ALKBH8: variants seen among roughly 807,000 people sequenced by gnomAD.
The protein encoded by ALKBH8 is tRNA (carboxymethyluridine(34)-5-O)-methyltransferase ALKBH8.
In ALKBH8, 36 loss-of-function variants were observed where a neutral mutation model predicts 59.8. That is an observed-to-expected ratio of 0.60 (90% confidence interval 0.46 to 0.79). The LOEUF (loss-of-function observed/expected upper bound fraction) is 0.79. Ranked by LOEUF, ALKBH8 falls within the 30% of genes least tolerant of loss-of-function variation. The pLI is 0.00. For synonymous variants in ALKBH8, 276 were observed against 273.6 expected, an observed-to-expected ratio of 1.01 and a Z score of -0.09; for missense variants, 768 against 801.0, an observed-to-expected ratio of 0.96 and a Z score of 0.50.
intron 8 of ALKBH8, among the ~76,000 whole-genome samples, chr11:107,529,866 T>TA (rs926101160): frequency 3.3e-5 from 5 of 152,080 alleles, no homozygotes; most frequent in African/African-American, 9.7e-5. Flanking sequence ...AACTCTAAGA[T>TA]AAAAACAATA....
chr11:107,539,368 G>A (rs1863945104), intron 7 of ALKBH8, among the ~76,000 whole-genome samples: 1 of 152,182 alleles, frequency 6.6e-6, no homozygotes, highest in Non-Finnish European at 1.5e-5. Flanking sequence ...GGGAGGCCAA[G>A]GTGGGCAGAT....
intron 10 of ALKBH8, among the ~76,000 whole-genome samples, chr11:107,512,340 G>T (rs1862669765): frequency 6.6e-6 from 1 of 151,794 alleles, no homozygotes; most frequent in Non-Finnish European, 1.5e-5. Context: ...TTGAGACAGG[G>T]TCTCACTCTA....
chr11:107,526,431 C>CTGTCCAA (rs1271941048), intron 8 of ALKBH8, among the ~76,000 whole-genome samples: 2 of 151,920 alleles, frequency 1.3e-5, no homozygotes, highest in Non-Finnish European at 2.9e-5. Context: ...GATAAAGGAT[C>CTGTCCAA]TGTCCAACCC....
At chr11:107,558,983 C>A (rs997828868) in intron 2 of ALKBH8, among the ~76,000 whole-genome samples, 1 of 152,174 alleles carries the variant, frequency 6.6e-6, no homozygotes, top group South Asian at 2.1e-4. Context: ...CCATAATTCC[C>A]ACATTTTGTG....
chr11:107,560,230 C>T (rs969242530), intron 2 of ALKBH8, among the ~76,000 whole-genome samples: 4 of 151,764 alleles, frequency 2.6e-5, no homozygotes, highest in Admixed American at 6.6e-5. Context: ...AATTATTGTC[C>T]GCAGATAATG....
At chr11:107,523,474 G>A (rs994741324) in intron 9 of ALKBH8, among the ~76,000 whole-genome samples, 2 of 152,044 alleles carry the variant, frequency 1.3e-5, no homozygotes, top group African/African-American at 2.4e-5. Context: ...GTGGGAGCCG[G>A]GGAGATGCTA....
chr11:107,523,579 G>A (rs1314908827), intron 9 of ALKBH8, among the ~76,000 whole-genome samples: 1 of 148,706 alleles, frequency 6.7e-6, no homozygotes, highest in Non-Finnish European at 1.5e-5. Flanking sequence ...TTGTATTCTT[G>A]AAAATCACTA....
chr11:107,526,689 TA>T (rs1447876852), intron 8 of ALKBH8, among the ~76,000 whole-genome samples: 1 of 152,036 alleles, frequency 6.6e-6, no homozygotes, highest in Non-Finnish European at 1.5e-5. Flanking sequence ...AAGTTTCTTT[TA>T]GACCATTTTA....
intron 2 of ALKBH8, among the ~76,000 whole-genome samples, chr11:107,558,267 T>C (rs1249047311): frequency 6.6e-6 from 1 of 152,174 alleles, no homozygotes; most frequent in African/African-American, 2.4e-5. Context: ...ATAAGGAAAG[T>C]AAAACTGTTT....
chr11:107,532,312 AG>A lies in ALKBH8; in HGVS notation c.865del (p.Leu289PhefsTer32). On this transcript the variant is annotated frameshift_variant, in exon 8 of 12. Coordinates refer to ENST00000428149, the MANE Select transcript of ALKBH8 (RefSeq NM_138775.3). LOFTEE classifies it high-confidence loss of function. ...TTTCAATACATACCCATGGGTCCAA[AG>A]GTATCTAGATTCTCCTGTCATCACC... ...LLVMTGESRY[L>X]WTHGITCRKF... 3 of 1,612,180 alleles carry A rather than the reference AG, an allele frequency of 1.9e-6. No homozygotes were observed. Among genetic ancestry groups the A allele is most frequent in the Non-Finnish European group, 2.5e-6 (3 of 1,178,456 alleles).
At position 107,520,644 on chromosome 11, in the gene ALKBH8, A is replaced by C. The variant is rs939024157; in HGVS notation, c.1287+1655T>G. Reference sequence around the variant, plus strand: ...GTTTGTTGTGATTTTAAGTGACACAATCAAAGATCTATTTCCTCTTCAACA... The same window carrying C: ...GTTTGTTGTGATTTTAAGTGACACACTCAAAGATCTATTTCCTCTTCAACA... On this transcript the variant is annotated intron_variant, in intron 10 of 11. Transcript: ENST00000428149. 2.6e-5 allele frequency among the ~76,000 whole-genome samples: 4 copies of C among 152,344 alleles called. No individual in the cohort carries two copies. The South Asian group carries it at 8.3e-4, about 32-fold the overall frequency.
chr11:107,538,457 A>G (rs1445713861), intron 7 of ALKBH8, among the ~76,000 whole-genome samples: 2 of 152,194 alleles, frequency 1.3e-5, no homozygotes, highest in Non-Finnish European at 2.9e-5. Context: ...GTTATGTGAA[A>G]ATTTTGCTCC....
At chr11:107,526,838 C>G (rs1317494210) in intron 8 of ALKBH8, among the ~76,000 whole-genome samples, 1 of 151,772 alleles carries the variant, frequency 6.6e-6, no homozygotes, top group Non-Finnish European at 1.5e-5. Flanking sequence ...ATTTCCTTTC[C>G]ACATTTAATT....
chr11:107,558,221 GA>G lies in ALKBH8; in HGVS notation c.130-1219del, dbSNP rs1022175839. Among the ~76,000 whole-genome samples, 37 of 152,228 alleles carry G rather than the reference GA, an allele frequency of 2.4e-4. No individual in the cohort carries two copies. The Middle Eastern group carries it at 0.01, about 42-fold the overall frequency. On this transcript the variant is annotated intron_variant, in intron 2 of 11. Transcript: ENST00000428149. Reference sequence around the variant, plus strand: ...AATAAGAATACCTAGAACTTTGTTTGAAAAGGATATAAAAGAATTATTATGA... The same window carrying G: ...AATAAGAATACCTAGAACTTTGTTTGAAAGGATATAAAAGAATTATTATGA...
chr11:107,551,764 G>T, intron 6 of ALKBH8, 44 bp downstream of exon 6: 2 of 1,157,696 alleles, frequency 1.7e-6, no homozygotes, highest in Non-Finnish European at 2.4e-6. Context: ...CATCTACTCA[G>T]TTCCAAAATA....
In ALKBH8 at chr11:107,522,298, C is replaced by G. The variant is rs1250787615; in HGVS notation, c.1287+1G>C. On this transcript the variant is annotated splice_donor_variant, in intron 10 of 11. Coordinates refer to ENST00000428149, the MANE Select transcript of ALKBH8 (RefSeq NM_138775.3). LOFTEE classifies it high-confidence loss of function. The stretch of plus-strand genomic sequence containing the variant: ...AGAAAGTCAAAAGCAACATTACTTG[C>G]CATATATAACTCCTTATTGATGCCA... 1 of 1,551,128 alleles carries G rather than the reference C, an allele frequency of 6.4e-7. No individual in the cohort carries two copies. The highest frequency in any genetic ancestry group is 2.4e-5 in the East Asian group (1 of 40,918).
rs547903319 is a variant in ALKBH8, at chr11:107,551,930, A to T, written c.596-18T>A. The T allele has an allele frequency of 7.3e-7, 1 of 1,368,936 alleles. No homozygotes were observed. 84.8% of individuals were successfully genotyped at this position (1,368,936 alleles called of 1,614,324 possible). A position where few individuals can be genotyped will look rare whatever the true frequency, so the allele number is the denominator to read the frequency against. ...AGGAAGACCTACAATGAGTAATCATAAAGACAAAACATTAAAATATTTACT... is the reference window on the plus strand; with the variant it reads ...AGGAAGACCTACAATGAGTAATCATTAAGACAAAACATTAAAATATTTACT... On this transcript the variant is annotated intron_variant, in intron 5 of 11. Coordinates refer to ENST00000428149, the MANE Select transcript of ALKBH8 (RefSeq NM_138775.3).
intron 7 of ALKBH8, among the ~76,000 whole-genome samples, chr11:107,544,223 T>G: frequency 6.6e-6 from 1 of 152,200 alleles, no homozygotes; most frequent in East Asian, 1.9e-4. Context: ...GAATCAGTAC[T>G]CCAAAGGCTC....
At chr11:107,523,482 C>T (rs1414267164) in intron 9 of ALKBH8, among the ~76,000 whole-genome samples, 1 of 151,526 alleles carries the variant, frequency 6.6e-6, no homozygotes, top group Admixed American at 6.6e-5. Context: ...CGGGGAGATG[C>T]TAATGAAAGG....
Sources: allele counts gnomAD v4.1 joint callset (sites outside exome capture counted in the v4.1 genomes callset), GRCh38; gene constraint gnomAD v4.1.1; transcripts MANE v1.5; gene names NCBI Gene and HGNC (gene_info 2026-07-23, HGNC 2026-07-21).